WFDC8: variants seen among roughly 807,000 people sequenced by gnomAD.
The protein encoded by WFDC8 is WAP four-disulfide core domain 8, also known as WAP four-disulfide core domain protein 8.
WFDC8 carries 24 observed loss-of-function variants against 27.0 expected under a neutral mutation model. That is an observed-to-expected ratio of 0.89 (90% CI 0.64 to 1.25). The LOEUF is 1.25. Ranked by LOEUF, WFDC8 falls within the 50% of genes most tolerant of loss-of-function variation. WFDC8 has a pLI of 0.00. For synonymous variants in WFDC8, 106 were observed against 99.7 expected (o/e 1.06, Z -0.38); for missense variants, 287 against 295.9 (o/e 0.97, Z 0.22).
rs1369566680 is a variant in WFDC8 at position 45,579,212 on chromosome 20, C to T, written c.26+10G>A. 9.9e-6 allele frequency: 16 copies of T among 1,613,730 alleles called. No individual in the cohort carries two copies. Among genetic ancestry groups the T allele is most frequent in the East Asian group, 6.7e-5 (3 of 44,854 alleles). ...GTCTGGCTACCCACCCCCATAGACACCCTCCTCACCCTCCTTCAGTTCGGA... is the reference window on the plus strand; with the variant it reads ...GTCTGGCTACCCACCCCCATAGACATCCTCCTCACCCTCCTTCAGTTCGGA... On this transcript the variant is annotated intron_variant, in intron 1 of 5. Coordinates refer to ENST00000289953, the MANE Select transcript of WFDC8 (RefSeq NM_130896.3).
intron 1 of WFDC8, among the ~76,000 whole-genome samples, chr20:45,574,785 G>A (rs561317930): frequency 5.3e-5 from 8 of 152,282 alleles, no homozygotes; most frequent in African/African-American, 9.6e-5. Flanking sequence ...GTGACAAAGC[G>A]AGACTCTGTC....
chr20:45,553,537 G>T (rs890206843), intron 4 of WFDC8, among the ~76,000 whole-genome samples: 1 of 150,848 alleles, frequency 6.6e-6, no homozygotes, highest in Admixed American at 6.6e-5. Flanking sequence ...TCTGTAAAAT[G>T]AGGATAATTA....
intron 1 of WFDC8, 137 bp downstream of exon 1, chr20:45,579,085 G>A: frequency 1.2e-6 from 1 of 806,622 alleles, no homozygotes. Context: ...AGACAGCTCT[G>A]TTCTGTGGAA....
intron 1 of WFDC8, chr20:45,567,946 C>A: frequency 4.6e-6 from 1 of 215,974 alleles, no homozygotes. Context: ...CTGCTTCAGC[C>A]TCCTGAGTAG....
intron 1 of WFDC8, among the ~76,000 whole-genome samples, chr20:45,575,577 G>T (rs1389334551): frequency 6.6e-6 from 1 of 151,244 alleles, no homozygotes; most frequent in African/African-American, 2.4e-5. Flanking sequence ...AATTAATATT[G>T]TTAAAATGCC....
chr20:45,578,061 G>A (rs562698361), intron 1 of WFDC8, among the ~76,000 whole-genome samples: 13 of 150,982 alleles, frequency 8.6e-5, no homozygotes, highest in African/African-American at 2.9e-4. Context: ...AGTATGTAGA[G>A]TTTTATTTAA....
chr20:45,557,566 G>A (rs746255597), intron 3 of WFDC8, among the ~76,000 whole-genome samples: 8 of 151,988 alleles, frequency 5.3e-5, no homozygotes, highest in South Asian at 2.1e-4. Context: ...CTGAGTAGCC[G>A]GGATTACAGG....
chr20:45,554,352 A>G (rs1980162624), intron 4 of WFDC8, among the ~76,000 whole-genome samples: 1 of 152,108 alleles, frequency 6.6e-6, no homozygotes, highest in Admixed American at 6.6e-5. Flanking sequence ...AGCAAGTTCA[A>G]CATGAGATGT....
chr20:45,558,910 C>A lies in WFDC8; in HGVS notation c.219G>T (p.Lys73Asn), dbSNP rs201650885. 4 of 1,614,204 alleles carry A rather than the reference C, an allele frequency of 2.5e-6. No individual in the cohort carries two copies. In the African/African-American group the frequency reaches 5.3e-5, roughly 22 times the overall value. Residue 73 changes from lysine to asparagine, a missense_variant, in exon 3 of 6, where the codon AAG becomes AAT. Coordinates refer to ENST00000289953, the MANE Select transcript of WFDC8 (RefSeq NM_130896.3). ...CAAAAAAGCAGCACTTCTGGTATTC[C>A]TTGCAGTCAAAATCTGTGTTACATG... ...PDSCNTDFDC[K>N]EYQKCCFFAC...
chr20:45,572,543 G>A (rs1363442144), intron 1 of WFDC8, among the ~76,000 whole-genome samples: 1 of 152,064 alleles, frequency 6.6e-6, no homozygotes, highest in African/African-American at 2.4e-5. Context: ...GTTGATTAAT[G>A]ATGTTGAGCA....
intron 4 of WFDC8, among the ~76,000 whole-genome samples, chr20:45,554,296 A>G (rs6514011): frequency 0.38 from 57,906 of 151,520 alleles, 11,472 homozygotes; most frequent in Non-Finnish European, 0.43. Flanking sequence ...CCAAAGCGCT[A>G]GGATTATAGG....
At chr20:45,564,933 A>G (rs1386322039) in intron 1 of WFDC8, among the ~76,000 whole-genome samples, 1 of 140,384 alleles carries the variant, frequency 7.1e-6, no homozygotes, top group Admixed American at 7.4e-5. Context: ...AGAGTGAAAG[A>G]AAGGAAAGAA....
At chr20:45,560,939 A>C (rs1980443985) in intron 2 of WFDC8, among the ~76,000 whole-genome samples, 1 of 152,188 alleles carries the variant, frequency 6.6e-6, no homozygotes, top group African/African-American at 2.4e-5. Context: ...TTTTAAAAAG[A>C]ACCCCAGGTG....
At chr20:45,572,614 T>C (rs1029900121) in intron 1 of WFDC8, among the ~76,000 whole-genome samples, 3 of 152,140 alleles carry the variant, frequency 2.0e-5, no homozygotes, top group Admixed American at 6.5e-5. Flanking sequence ...AACTTACTTA[T>C]TTATTTATTT....
downstream of WFDC8, chr20:45,551,570 A>G (rs1461633202): frequency 1.3e-5 from 2 of 151,486 alleles, no homozygotes; most frequent in Non-Finnish European, 2.9e-5. Flanking sequence ...CAGAGGTTGC[A>G]GTGAGCCGAG....
chr20:45,557,022 G>A (rs931555820), intron 3 of WFDC8, among the ~76,000 whole-genome samples: 3 of 152,130 alleles, frequency 2.0e-5, no homozygotes, highest in African/African-American at 4.8e-5. Context: ...TTAGCAAATC[G>A]ATGAGATGCA....
At chr20:45,574,828 C>T (rs1980990675) in intron 1 of WFDC8, among the ~76,000 whole-genome samples, 1 of 152,054 alleles carries the variant, frequency 6.6e-6, no homozygotes, top group Non-Finnish European at 1.5e-5. Context: ...TATCATTTAC[C>T]ATGATCAAGT....
intron 1 of WFDC8, among the ~76,000 whole-genome samples, chr20:45,569,201 C>T (rs1692176714): frequency 6.6e-6 from 1 of 152,204 alleles, no homozygotes; most frequent in African/African-American, 2.4e-5. Context: ...ATTTCATCTT[C>T]AACCTGCCAT....
At chr20:45,569,603 G>T (rs1980799103) in intron 1 of WFDC8, among the ~76,000 whole-genome samples, 1 of 152,074 alleles carries the variant, frequency 6.6e-6, no homozygotes, top group Non-Finnish European at 1.5e-5. Context: ...TTGTCTTTCA[G>T]GATTTTTATG....
Sources: gnomAD v4.1 joint callset for allele counts (sites outside exome capture counted in the v4.1 genomes callset) on GRCh38, gnomAD v4.1.1 for gene constraint, MANE v1.5 for transcripts, NCBI Gene and HGNC (gene_info 2026-07-23, HGNC 2026-07-21) for gene names.